LIG1: variants seen among roughly 807,000 people sequenced by gnomAD.
LIG1 encodes DNA ligase 1.
LIG1 carries 70 observed loss-of-function variants against 115.7 expected under a neutral mutation model. That is an observed-to-expected ratio of 0.60 (90% CI 0.50 to 0.74). The LOEUF is 0.74. Ranked by LOEUF, LIG1 falls within the 30% of genes least tolerant of loss-of-function variation. LIG1 has a pLI of 0.00. For synonymous variants in LIG1, 487 were observed against 495.3 expected (o/e 0.98, Z 0.22); for missense variants, 1,115 against 1,225.6 (o/e 0.91, Z 1.35).
intron 7 of LIG1, among the ~76,000 whole-genome samples, chr19:48,150,767 A>T (rs181972289): frequency 6.4e-4 from 98 of 152,242 alleles, no homozygotes; most frequent in Middle Eastern, 3.4e-3. Flanking sequence ...GTGCGACCAT[A>T]GGTCACTGCA....
chr19:48,156,143 C>A (rs1238648526), intron 5 of LIG1, among the ~76,000 whole-genome samples: 2 of 152,016 alleles, frequency 1.3e-5, no homozygotes, highest in South Asian at 2.1e-4. Context: ...TCACCATCCC[C>A]AATCCTGCGC....
intron 2 of LIG1, among the ~76,000 whole-genome samples, chr19:48,162,580 C>CCCG (rs2036245562): frequency 6.6e-6 from 1 of 151,918 alleles, no homozygotes; most frequent in Non-Finnish European, 1.5e-5. Context: ...ACTACAGGCA[C>CCCG]CCGCCACCAT....
chr19:48,127,169 G>C, intron 21 of LIG1, 108 bp downstream of exon 21: 1 of 892,788 alleles, frequency 1.1e-6, no homozygotes, highest in Non-Finnish European at 1.9e-6. Context: ...TGGCTTCCTG[G>C]CCATGTGAAG....
At chr19:48,116,259 C>T (rs1164045664) in intron 26 of LIG1, 32 of 352,410 alleles carry the variant, frequency 9.1e-5, no homozygotes, top group African/African-American at 5.1e-4. Flanking sequence ...CTGGCTAACA[C>T]GGTGAAACCC....
chr19:48,117,834 G>A lies in LIG1; in HGVS notation c.2440-53C>T, dbSNP rs2032970637. On this transcript the variant is annotated intron_variant, in intron 25 of 27. Transcript: ENST00000263274. Reference sequence around the variant, plus strand: ...AGAGGGTCTGGAATCTCAAAGTCAAGGCCAAGTGTTGGAGGGCTGGGGAGA... The same window carrying A: ...AGAGGGTCTGGAATCTCAAAGTCAAAGCCAAGTGTTGGAGGGCTGGGGAGA... The A allele has an allele frequency of 8.7e-6, 14 of 1,600,058 alleles. 1 individual carries two copies. In the South Asian group the frequency reaches 1.0e-4, roughly 12 times the overall value.
rs755197772 is a variant in LIG1 at position 48,122,960 on chromosome 19, C to T, written c.2206G>A (p.Ala736Thr). ...TTGAGCCAGTTGTGCGATCTCTTGG[C>T]GATCTCGTAGGTGGCATCAACATCC... ...TLDVDATYEI[A>T]KRSHNWLKLK... The change falls in exon 23 of 28, where the codon GCC (alanine) becomes ACC (threonine). Residue 736 changes from alanine to threonine, a missense_variant. Coordinates refer to ENST00000263274, the MANE Select transcript of LIG1 (RefSeq NM_000234.3). The surrounding 1 kb of genome is among the most constrained non-coding windows in gnomAD (Gnocchi z 4.3). The T allele has an allele frequency of 4.3e-6, 7 of 1,613,426 alleles. No individual in the cohort carries two copies. Among genetic ancestry groups the T allele is most frequent in the East Asian group, 2.2e-5 (1 of 44,856 alleles).
intron 19 of LIG1, among the ~76,000 whole-genome samples, chr19:48,129,901 G>A (rs1432693212): frequency 1.3e-5 from 2 of 152,106 alleles, no homozygotes; most frequent in Non-Finnish European, 2.9e-5. Flanking sequence ...GACTACAGGT[G>A]CGTGCCACCA....
intron 11 of LIG1, 142 bp from the exon 12 acceptor site, chr19:48,140,285 G>A (rs1335329163): frequency 1.6e-6 from 1 of 637,312 alleles, no homozygotes; most frequent in South Asian, 1.9e-5. Context: ...CAGGCTCTGG[G>A]GCCTGGAGCC....
rs1451979958 is a variant in LIG1, at chr19:48,122,937, G to C, written c.2229C>G (p.Leu743=). 1 of 1,613,502 alleles carries C rather than the reference G, an allele frequency of 6.2e-7. No individual in the cohort carries two copies. Among genetic ancestry groups the C allele is most frequent in the Admixed American group, 1.7e-5 (1 of 59,908 alleles). ...CCAGTTGGGGGTCGAGAATCACCTTGAGCCAGTTGTGCGATCTCTTGGCGA... is the reference window on the plus strand; with the variant it reads ...CCAGTTGGGGGTCGAGAATCACCTTCAGCCAGTTGTGCGATCTCTTGGCGA... ...YEIAKRSHNW[L]KLKKDYLDGV... Residue 743 remains leucine, a synonymous_variant, in exon 23 of 28, where the codon CTC becomes CTG. Coordinates refer to ENST00000263274, the MANE Select transcript of LIG1 (RefSeq NM_000234.3). The surrounding 1 kb of genome is among the most constrained non-coding windows in gnomAD (Gnocchi z 4.3).
At position 48,122,904 on chromosome 19, in the gene LIG1, G is replaced by C. The variant is rs1225558104; in HGVS notation, c.2232+30C>G. 2 of 1,606,914 alleles carry C rather than the reference G, an allele frequency of 1.2e-6. No homozygotes were observed. Among genetic ancestry groups the C allele is most frequent in the South Asian group, 2.2e-5 (2 of 90,952 alleles). ...GGGACAGACCTCCAGACCCGGGGTG[G>C]AGAAGGCCCAGTTGGGGGTCGAGAA... On this transcript the variant is annotated intron_variant, in intron 23 of 27. Coordinates refer to ENST00000263274, the MANE Select transcript of LIG1 (RefSeq NM_000234.3). This position sits in a 1 kb window ranked among gnomAD's most constrained non-coding sequence, Gnocchi z 4.3.
At chr19:48,119,482 T>C (rs2033113315) in intron 24 of LIG1, among the ~76,000 whole-genome samples, 1 of 146,936 alleles carries the variant, frequency 6.8e-6, no homozygotes, top group African/African-American at 2.5e-5. Flanking sequence ...TCCCTTATGC[T>C]CACCCACATC....
intron 26 of LIG1, 34 bp from the exon 27 acceptor site, chr19:48,115,999 G>A: frequency 2.6e-6 from 4 of 1,533,526 alleles, no homozygotes; most frequent in Non-Finnish European, 3.6e-6. Flanking sequence ...CTGCGGTCCA[G>A]CCCCAGCGAC....
chr19:48,128,413 C>G (rs1298259396), intron 19 of LIG1, among the ~76,000 whole-genome samples: 1 of 152,210 alleles, frequency 6.6e-6, no homozygotes, highest in Non-Finnish European at 1.5e-5. Context: ...CAGGGTGACA[C>G]TGGCAAGCCC....
At chr19:48,142,522 A>T (rs959007827) in intron 11 of LIG1, among the ~76,000 whole-genome samples, 11 of 151,940 alleles carry the variant, frequency 7.2e-5, no homozygotes, top group Admixed American at 7.2e-4. Flanking sequence ...GGCATGTGCC[A>T]TGTGAGAACG....
chr19:48,116,528 C>T (rs965514124), intron 26 of LIG1, among the ~76,000 whole-genome samples: 3 of 151,708 alleles, frequency 2.0e-5, no homozygotes, highest in Admixed American at 6.6e-5. Flanking sequence ...TGAACTACGG[C>T]GCCAGGGTAT....
chr19:48,131,123 C>T lies in LIG1; in HGVS notation c.1774G>A (p.Glu592Lys). 6.2e-7 allele frequency: 1 copy of T among 1,614,162 alleles called. No homozygotes were observed. The highest frequency in any genetic ancestry group is 8.5e-7 in the Non-Finnish European group (1 of 1,180,022). The change falls in exon 19 of 28, where the codon GAA (glutamate) becomes AAA (lysine). Residue 592 changes from glutamate to lysine, a missense_variant. Transcript: ENST00000263274. ...TCCGGGTACTTCCCAGTGTTGTCTT[C>T]CTGATTCCTGCTGAAGATCTTCACC... Reference protein sequence around the residue: ...GEVKIFSRNQEDNTGKYPDII... With the variant: ...GEVKIFSRNQKDNTGKYPDII...
chr19:48,119,331 A>G, intron 24 of LIG1, 141 bp from the exon 25 acceptor site: 1 of 737,168 alleles, frequency 1.4e-6, no homozygotes, highest in Non-Finnish European at 2.4e-6. Context: ...GGAAGTAGGG[A>G]GCTGGGGGTG....
intron 1 of LIG1, 77 bp from the exon 2 acceptor site, chr19:48,165,700 A>T: frequency 9.9e-7 from 1 of 1,014,714 alleles, no homozygotes; most frequent in Non-Finnish European, 1.5e-6. Flanking sequence ...CCTTTCTTTA[A>T]GAAAGAAAGA....
At chr19:48,157,225 C>A in intron 4 of LIG1, 85 bp from the exon 5 acceptor site, 3 of 1,420,010 alleles carry the variant, frequency 2.1e-6, no homozygotes, top group Non-Finnish European at 2.9e-6. Context: ...GGGACTGAAA[C>A]CTCTCTGTCT....
Sources: allele counts gnomAD v4.1 joint callset (sites outside exome capture counted in the v4.1 genomes callset), GRCh38; gene constraint gnomAD v4.1.1; non-coding constraint Gnocchi (gnomAD v3.1); transcripts MANE v1.5; gene names NCBI Gene and HGNC (gene_info 2026-07-23, HGNC 2026-07-21).